The following SMCHD1 variants were observed in gnomAD, a reference collection of about 807,000 sequenced individuals.
SMCHD1 encodes structural maintenance of chromosomes flexible hinge domain containing 1, also known as structural maintenance of chromosomes flexible hinge domain-containing protein 1.
Under a neutral mutation model 254.7 loss-of-function variants are expected in SMCHD1, and 78 were observed. That is an observed-to-expected ratio of 0.31 (90% CI 0.26 to 0.37). The LOEUF is 0.37. SMCHD1 is among the 10% of genes least tolerant of loss of function. SMCHD1 has a pLI of 1.00. For missense variants in SMCHD1, 1,840 were observed against 2,408.1 expected, an observed-to-expected ratio of 0.76 and a Z score of 4.94; for synonymous variants, 766 against 794.9, an observed-to-expected ratio of 0.96 and a Z score of 0.61.
chr18:2,720,968 TC>T (rs2074913700), intron 19 of SMCHD1, among the ~76,000 whole-genome samples: 1 of 152,142 alleles, frequency 6.6e-6, no homozygotes, highest in Non-Finnish European at 1.5e-5. Flanking sequence ...TTTTCTTCTT[TC>T]CCTGAAGAAT....
rs759808617 is a variant in SMCHD1, at chr18:2,709,246, A to ATATATATATATATATATATATATATG, written c.2260+1330_2260+1331insTATATATATATATATATATATGTATA. On this transcript the variant is annotated intron_variant, in intron 17 of 47. Coordinates refer to ENST00000320876, the MANE Select transcript of SMCHD1 (RefSeq NM_015295.3). ...TGTGTATATGTGTATATATATATAT[A>ATATATATATATATATATATATATATG]TATACACACACACATGTATACACAT... Among the ~76,000 whole-genome samples, 801 of 107,284 alleles carry ATATATATATATATATATATATATATG rather than the reference A, an allele frequency of 7.5e-3. 10 individuals are homozygous for ATATATATATATATATATATATATATG. The highest frequency in any genetic ancestry group is 0.014 in the South Asian group (49 of 3,616). 70.4% of individuals were successfully genotyped at this position (107,284 alleles called of 152,430 possible).
chr18:2,779,814 A>C lies in SMCHD1; in HGVS notation c.5547+1575A>C, dbSNP rs1235282381. Among the ~76,000 whole-genome samples, 6 of 151,908 alleles carry C rather than the reference A, an allele frequency of 3.9e-5. No individual in the cohort carries two copies. In the South Asian group the frequency reaches 1.0e-3, roughly 26 times the overall value. Reference sequence around the variant, plus strand: ...CACTGCACTCCAGCCTAGGCAATATAATGCGATTCTGTCTAAAAAAATAAA... The same window carrying C: ...CACTGCACTCCAGCCTAGGCAATATCATGCGATTCTGTCTAAAAAAATAAA... On this transcript the variant is annotated intron_variant, in intron 44 of 47. Transcript: ENST00000320876.
intron 5 of SMCHD1, among the ~76,000 whole-genome samples, chr18:2,682,167 G>GT (rs1014181468): frequency 3.5e-4 from 53 of 150,158 alleles, no homozygotes; most frequent in African/African-American, 1.1e-3. Context: ...TAAGTTTGGT[G>GT]TTTTTTTTTT....
Position 2,782,731 on chromosome 18 carries a change from C to T in SMCHD1, c.5548-1719C>T, listed in dbSNP as rs181241423. On this transcript the variant is annotated intron_variant, in intron 44 of 47. Coordinates refer to ENST00000320876, the MANE Select transcript of SMCHD1 (RefSeq NM_015295.3). Reference sequence around the variant, plus strand: ...CTGCACTCCAGCCTGGGCAACAGAGCGAGACCACAACTCAAAAAAAAAAAA... The same window carrying T: ...CTGCACTCCAGCCTGGGCAACAGAGTGAGACCACAACTCAAAAAAAAAAAA... Among the ~76,000 whole-genome samples the T allele has an allele frequency of 7.7e-4, 82 of 105,820 alleles. 1 individual carries two copies. The highest frequency in any genetic ancestry group is 0.011 in the Middle Eastern group (1 of 88). 69.4% of individuals were successfully genotyped at this position (105,820 alleles called of 152,430 possible). A position where few individuals can be genotyped will look rare whatever the true frequency, so the allele number is the denominator to read the frequency against.
intron 17 of SMCHD1, among the ~76,000 whole-genome samples, chr18:2,709,946 G>T (rs1383366155): frequency 6.6e-6 from 1 of 152,108 alleles, no homozygotes; most frequent in Non-Finnish European, 1.5e-5. Context: ...TGTGCTTTTG[G>T]TGTCTTATCC....
intron 5 of SMCHD1, among the ~76,000 whole-genome samples, chr18:2,680,159 G>A (rs866910826): frequency 6.6e-6 from 1 of 152,042 alleles, no homozygotes; most frequent in African/African-American, 2.4e-5. Context: ...TAAAATAGCC[G>A]AGCTTCTTCT....
intron 37 of SMCHD1, among the ~76,000 whole-genome samples, chr18:2,769,169 A>G (rs1393006223): frequency 6.6e-6 from 1 of 152,172 alleles, no homozygotes; most frequent in Non-Finnish European, 1.5e-5. Context: ...TTTATCCATT[A>G]ATGAGAAAGA....
intron 5 of SMCHD1, among the ~76,000 whole-genome samples, chr18:2,675,505 C>T (rs977037982): frequency 3.3e-5 from 5 of 152,088 alleles, no homozygotes; most frequent in Admixed American, 2.0e-4. Context: ...CCTGGTGATC[C>T]GCCCTCCTCA....
intron 45 of SMCHD1, among the ~76,000 whole-genome samples, chr18:2,794,104 A>G (rs1357168236): frequency 6.6e-6 from 1 of 152,184 alleles, no homozygotes; most frequent in African/African-American, 2.4e-5. Context: ...TTGCAAGTCA[A>G]GTGGCAAAAT....
At chr18:2,740,927 T>G in intron 28 of SMCHD1, 106 bp downstream of exon 28, 1 of 633,364 alleles carries the variant, frequency 1.6e-6, no homozygotes, top group South Asian at 2.5e-5. Context: ...TTTTAGTTTT[T>G]AAATTGAAAA....
At chr18:2,721,906 CT>C (rs1369511222) in intron 19 of SMCHD1, among the ~76,000 whole-genome samples, 2 of 152,156 alleles carry the variant, frequency 1.3e-5, no homozygotes, top group Non-Finnish European at 2.9e-5. Context: ...GAATTTCACC[CT>C]GAGTTTCTGA....
chr18:2,726,449 C>G lies in SMCHD1; in HGVS notation c.2701-3C>G. On this transcript the variant is annotated splice_region_variant and splice_polypyrimidine_tract_variant and intron_variant, in intron 21 of 47. Coordinates refer to ENST00000320876, the MANE Select transcript of SMCHD1 (RefSeq NM_015295.3). ...TTTAATTTTTACTGTTTTTTTCCAA[C>G]AGAATTATAATCTGAAGGTTACTCT... 6.7e-7 allele frequency: 1 copy of G among 1,485,170 alleles called. No individual in the cohort carries two copies. Among genetic ancestry groups the G allele is most frequent in the Non-Finnish European group, 9.1e-7 (1 of 1,103,152 alleles). The allele number at this position is 1,485,170 out of a possible 1,614,324, so 92.0% of individuals were successfully genotyped here. A position where few individuals can be genotyped will look rare whatever the true frequency, so the allele number is the denominator to read the frequency against.
chr18:2,785,647 CAAAAAAAAAAAA>C (rs1555656125), intron 45 of SMCHD1, among the ~76,000 whole-genome samples: 1 of 12,670 alleles, frequency 7.9e-5, no homozygotes, highest in Non-Finnish European at 1.6e-4. Context: ...GACTCTGTCT[CAAAAAAAAAAAA>C]AAAAAAAAAA....
chr18:2,709,047 C>T (rs922557185), intron 17 of SMCHD1, among the ~76,000 whole-genome samples: 1 of 149,180 alleles, frequency 6.7e-6, no homozygotes, highest in East Asian at 2.0e-4. Flanking sequence ...ACTCCTTTCT[C>T]CCTGCCCTGG....
intron 44 of SMCHD1, among the ~76,000 whole-genome samples, chr18:2,780,238 T>TAAAAAAAAAAAAAAAAAAAAAAAA (rs56804553): frequency 1.4e-5 from 1 of 69,352 alleles, no homozygotes. Context: ...AGACTCTATC[T>TAAAAAAAAAAAAAAAAAAAAAAAA]AAAAAAAAAA....
At chr18:2,674,491 G>A (rs964007230) in intron 5 of SMCHD1, among the ~76,000 whole-genome samples, 1 of 152,126 alleles carries the variant, frequency 6.6e-6, no homozygotes, top group Non-Finnish European at 1.5e-5. Flanking sequence ...TTTGCAAAAT[G>A]TCTAAAATTG....
intron 45 of SMCHD1, among the ~76,000 whole-genome samples, chr18:2,793,811 C>T (rs1344922617): frequency 1.3e-5 from 2 of 152,128 alleles, no homozygotes; most frequent in Admixed American, 6.5e-5. Flanking sequence ...TGTTCACAAG[C>T]ACACACAGAT....
chr18:2,761,843 C>A (rs188701990), intron 35 of SMCHD1, among the ~76,000 whole-genome samples: 230 of 152,148 alleles, frequency 1.5e-3, no homozygotes, highest in African/African-American at 5.3e-3. Context: ...TGTCGGTATA[C>A]TAATTTTTTT....
At chr18:2,789,066 C>T (rs1178029742) in intron 45 of SMCHD1, among the ~76,000 whole-genome samples, 1 of 151,564 alleles carries the variant, frequency 6.6e-6, no homozygotes, top group Non-Finnish European at 1.5e-5. Flanking sequence ...GTTGCCCAGG[C>T]TGGAGTGCAG....
Sources: gnomAD v4.1 joint callset for allele counts (sites outside exome capture counted in the v4.1 genomes callset) on GRCh38, gnomAD v4.1.1 for gene constraint, MANE v1.5 for transcripts, NCBI Gene and HGNC (gene_info 2026-07-23, HGNC 2026-07-21) for gene names.